The following UBAP2 variants were observed in gnomAD, a reference collection of about 807,000 sequenced individuals.
UBAP2 encodes the protein ubiquitin-associated protein 2.
UBAP2 carries 75 observed loss-of-function variants against 139.6 expected under a neutral mutation model. The ratio of observed to expected loss-of-function variants is 0.54; its 90% CI spans 0.45 to 0.65. UBAP2 has a LOEUF of 0.65. Ranked by LOEUF, UBAP2 falls within the 30% of genes least tolerant of loss-of-function variation. UBAP2 has a pLI of 0.00. For missense variants in UBAP2, 1,368 were observed against 1,369.6 expected (o/e 1.00, Z 0.02); for synonymous variants, 526 against 526.2 (o/e 1.00, Z 0.01).
chr9:33,962,680 A>AATTAAT lies in UBAP2; in HGVS notation c.745+1045_745+1046insATTAAT, dbSNP rs1554683930. ...AATAAATAAATAAATAAATAAATAA[A>AATTAAT]TAATTAAAAAATAGGGCCTGGAGCA... On this transcript the variant is annotated intron_variant, in intron 9 of 28. Coordinates refer to ENST00000379238, the MANE Select transcript of UBAP2 (RefSeq NM_001370062.2). 1.4e-3 allele frequency among the ~76,000 whole-genome samples: 209 copies of AATTAAT among 145,644 alleles called. 1 individual carries two copies. The highest frequency in any genetic ancestry group is 4.2e-3 in the African/African-American group (167 of 39,300).
At chr9:34,017,258 A>C in intron 1 of UBAP2, 69 bp from the exon 2 acceptor site, 1 of 624,106 alleles carries the variant, frequency 1.6e-6, no homozygotes, top group Non-Finnish European at 2.5e-6. Context: ...CAGAGAAAAC[A>C]AGGACACTTA....
chr9:34,014,655 CATG>C (rs1008694804), intron 2 of UBAP2, among the ~76,000 whole-genome samples: 49 of 151,054 alleles, frequency 3.2e-4, no homozygotes, highest in African/African-American at 1.1e-3. Context: ...ATTAGGCAGG[CATG>C]ATGTTGCCTG....
chr9:33,985,100 T>C (rs2131128154), intron 6 of UBAP2, among the ~76,000 whole-genome samples: 1 of 152,280 alleles, frequency 6.6e-6, no homozygotes, highest in South Asian at 2.1e-4. Flanking sequence ...GATCCAGCAA[T>C]CCCATTAGCA....
intron 2 of UBAP2, among the ~76,000 whole-genome samples, chr9:34,005,593 C>A (rs1005597172): frequency 6.6e-6 from 1 of 151,708 alleles, no homozygotes; most frequent in African/African-American, 2.4e-5. Flanking sequence ...TAAAACTTAA[C>A]AATTAATGTC....
chr9:33,971,655 T>C lies in UBAP2; in HGVS notation c.675A>G (p.Gly225=). Residue 225 remains glycine (G), a synonymous_variant, in exon 8 of 29, where the codon GGA becomes GGG. Coordinates refer to ENST00000379238, the MANE Select transcript of UBAP2 (RefSeq NM_001370062.2). ...TGGCAAAAACAGAACACTTACCAGT[T>C]CCCTCATCTGCACCATTCTGAGCAG... The part of the protein sequence containing the change: ...WEAAQNGADE[G]TELASNTHNI... The C allele has an allele frequency of 6.3e-7, 1 of 1,589,872 alleles. No homozygotes were observed. Among genetic ancestry groups the C allele is most frequent in the East Asian group, 2.2e-5 (1 of 44,768 alleles).
intron 2 of UBAP2, among the ~76,000 whole-genome samples, chr9:34,008,313 C>T (rs1196576793): frequency 3.5e-5 from 4 of 115,636 alleles, no homozygotes; most frequent in African/African-American, 1.2e-4. Flanking sequence ...AGCGAAACTC[C>T]GTCTCAAAAA....
At chr9:33,978,495 G>A (rs1265674858) in intron 6 of UBAP2, among the ~76,000 whole-genome samples, 2 of 152,112 alleles carry the variant, frequency 1.3e-5, no homozygotes, top group African/African-American at 4.8e-5. Flanking sequence ...GAACTAGGCC[G>A]GGTGCAGTGG....
At chr9:33,952,479 T>C (rs1826183823) in intron 12 of UBAP2, among the ~76,000 whole-genome samples, 1 of 152,180 alleles carries the variant, frequency 6.6e-6, no homozygotes, top group South Asian at 2.1e-4. Context: ...TGTTAATCAT[T>C]TGGCATTTTA....
intron 1 of UBAP2, among the ~76,000 whole-genome samples, chr9:34,023,100 C>A (rs1825102787): frequency 6.6e-6 from 1 of 151,944 alleles, no homozygotes; most frequent in Non-Finnish European, 1.5e-5. Context: ...GTGGCACGCG[C>A]CTGTAGTCCC....
rs199991569 is a variant in UBAP2 at position 33,933,525 on chromosome 9, G to A, written c.2073C>T (p.Gly691=). The A allele has an allele frequency of 2.1e-4, 334 of 1,613,962 alleles. 2 individuals are homozygous for A. The highest frequency in any genetic ancestry group is 4.9e-4 in the Middle Eastern group (3 of 6,062). Residue 691 remains glycine, a synonymous_variant, in exon 18 of 29, where the codon GGC becomes GGT. Coordinates refer to ENST00000379238, the MANE Select transcript of UBAP2 (RefSeq NM_001370062.2). ...ALLPSTSQHT[G]DLTSSPLSQL... ...GAGAGAGAGGGCTGCTAGTCAGGTC[G>A]CCAGTGTGCTGGGATGTGGACGGCA...
chr9:33,995,828 T>C (rs1191699644), intron 4 of UBAP2: 1 of 148,440 alleles, frequency 6.7e-6, no homozygotes, highest in Non-Finnish European at 1.5e-5. Flanking sequence ...CATAAGCAAA[T>C]ACATATACCA....
intron 1 of UBAP2, among the ~76,000 whole-genome samples, chr9:34,021,542 T>C (rs1824939427): frequency 6.6e-6 from 1 of 152,282 alleles, no homozygotes; most frequent in Non-Finnish European, 1.5e-5. Flanking sequence ...CTCTCAGATA[T>C]GAATAAATGC....
At chr9:34,016,616 C>T (rs896275225) in intron 2 of UBAP2, among the ~76,000 whole-genome samples, 30 of 151,126 alleles carry the variant, frequency 2.0e-4, no homozygotes, top group African/African-American at 5.8e-4. Context: ...AGGGCAGTGG[C>T]GTGATCTGGG....
At chr9:33,969,327 C>G (rs1225350596) in intron 8 of UBAP2, among the ~76,000 whole-genome samples, 4 of 152,016 alleles carry the variant, frequency 2.6e-5, no homozygotes, top group Non-Finnish European at 4.4e-5. Context: ...GTGGGAGGAT[C>G]TTTGAAGCCA....
intron 1 of UBAP2, among the ~76,000 whole-genome samples, chr9:34,024,470 C>T (rs1186736552): frequency 1.3e-5 from 2 of 152,148 alleles, no homozygotes; most frequent in African/African-American, 4.8e-5. Flanking sequence ...TGCCTCTCCA[C>T]ACTATCACTG....
chr9:34,040,026 G>A (rs1826916591), intron 1 of UBAP2, among the ~76,000 whole-genome samples: 1 of 151,920 alleles, frequency 6.6e-6, no homozygotes, highest in Non-Finnish European at 1.5e-5. Flanking sequence ...GGGCATGGTG[G>A]CACATGCCTG....
chr9:33,977,724 G>A (rs559062463), intron 6 of UBAP2, among the ~76,000 whole-genome samples: 11 of 151,478 alleles, frequency 7.3e-5, no homozygotes, highest in African/African-American at 1.9e-4. Flanking sequence ...GTGCAGTGGC[G>A]TAATCTTGGC....
At chr9:33,925,300 C>G (rs1334072953) in intron 22 of UBAP2, among the ~76,000 whole-genome samples, 2 of 152,204 alleles carry the variant, frequency 1.3e-5, no homozygotes, top group African/African-American at 2.4e-5. Context: ...TGGGAACACA[C>G]AGAGCTGCAC....
intron 8 of UBAP2, among the ~76,000 whole-genome samples, chr9:33,964,248 T>C (rs1587574369): frequency 6.6e-6 from 1 of 152,152 alleles, no homozygotes; most frequent in Non-Finnish European, 1.5e-5. Context: ...AACTCTCTTA[T>C]CAACAAGCCA....
Sources: gnomAD v4.1 joint callset for allele counts (sites outside exome capture counted in the v4.1 genomes callset) on GRCh38, gnomAD v4.1.1 for gene constraint, MANE v1.5 for transcripts, NCBI Gene and HGNC (gene_info 2026-07-23, HGNC 2026-07-21) for gene names.